Variants in PRDM16 observed in about 807,000 individuals in gnomAD.
PRDM16 encodes the protein PR/SET domain 16.
PRDM16 carries 23 observed loss-of-function variants against 110.6 expected under a neutral mutation model. The ratio of observed to expected loss-of-function variants is 0.21; its 90% CI spans 0.15 to 0.29. The LOEUF (loss-of-function observed/expected upper bound fraction) is 0.29, where lower values mean the gene tolerates loss of function less well. PRDM16 is among the 10% of genes least tolerant of loss of function. PRDM16 has a pLI of 1.00. For synonymous variants in PRDM16, 799 were observed against 781.8 expected (o/e 1.02, Z -0.37); for missense variants, 1,615 against 1,794.3 (o/e 0.90, Z 1.81).
chr1:3,258,848 C>CTA, intron 3 of PRDM16, among the ~76,000 whole-genome samples: 1 of 152,256 alleles, frequency 6.6e-6, no homozygotes, highest in East Asian at 1.9e-4. Flanking sequence ...CAGGCCAGGG[C>CTA]TTTCTTCTTG....
intron 3 of PRDM16, among the ~76,000 whole-genome samples, chr1:3,300,337 A>C (rs71202815): frequency 1.4e-5 from 1 of 70,392 alleles, no homozygotes; most frequent in Non-Finnish European, 3.0e-5. Context: ...TGCTGTGGCC[A>C]TGATGTTTCC....
chr1:3,140,803 G>A (rs1019488263), intron 1 of PRDM16, among the ~76,000 whole-genome samples: 9 of 152,342 alleles, frequency 5.9e-5, no homozygotes, highest in South Asian at 2.1e-4. Context: ...CTCCGTTTCC[G>A]CATCCTGCGT....
intron 3 of PRDM16, among the ~76,000 whole-genome samples, chr1:3,334,789 G>C (rs1258140178): frequency 6.6e-6 from 1 of 152,196 alleles, no homozygotes; most frequent in Non-Finnish European, 1.5e-5. Flanking sequence ...CAGAGCAAAC[G>C]AACACTCACC....
intron 1 of PRDM16, among the ~76,000 whole-genome samples, chr1:3,118,195 G>T (rs567073714): frequency 6.6e-6 from 1 of 151,792 alleles, no homozygotes; most frequent in African/African-American, 2.4e-5. Context: ...GTGCATGCAT[G>T]TACACACGCA....
rs1469113917 is a variant in PRDM16 at position 3,201,359 on chromosome 1, C to T, written c.387+14885C>T. 2.0e-5 allele frequency among the ~76,000 whole-genome samples: 3 copies of T among 152,180 alleles called. No homozygotes were observed. Among genetic ancestry groups the T allele is most frequent in the African/African-American group, 2.4e-5 (1 of 41,456 alleles). On this transcript the variant is annotated intron_variant, in intron 2 of 16. Coordinates refer to ENST00000270722, the MANE Select transcript of PRDM16 (RefSeq NM_022114.4). The surrounding 1 kb of genome is among the most constrained non-coding windows in gnomAD (Gnocchi z 4.1). Reference sequence around the variant, plus strand: ...AGAGATGAACAAGATGCAGCCTCGGCGCTCAGAGGCGGGTGTCCAGTCCCC... The same window carrying T: ...AGAGATGAACAAGATGCAGCCTCGGTGCTCAGAGGCGGGTGTCCAGTCCCC...
chr1:3,135,663 C>A (rs1448631528), intron 1 of PRDM16, among the ~76,000 whole-genome samples: 1 of 152,228 alleles, frequency 6.6e-6, no homozygotes, highest in East Asian at 1.9e-4. Context: ...GGTCTCCTCA[C>A]CCAGCTTCCG....
intron 1 of PRDM16, among the ~76,000 whole-genome samples, chr1:3,120,617 C>T (rs1191505196): frequency 6.6e-6 from 1 of 152,214 alleles, no homozygotes; most frequent in Non-Finnish European, 1.5e-5. Flanking sequence ...TGCCCCTGTC[C>T]CCGGCAGCCC....
chr1:3,431,121 G>T lies in PRDM16; in HGVS notation c.3521+13G>T, dbSNP rs753955734. ...ACCACACCCGAAGGTGGGGGCAGCC[G>T]TGTGCTCCAGGATGGGGCAGGGAGG... On this transcript the variant is annotated intron_variant, in intron 15 of 16. Coordinates refer to ENST00000270722, the MANE Select transcript of PRDM16 (RefSeq NM_022114.4). 4.2e-5 allele frequency: 65 copies of T among 1,548,552 alleles called. No individual in the cohort carries two copies. Among genetic ancestry groups the T allele is most frequent in the Non-Finnish European group, 4.2e-5 (48 of 1,146,440 alleles).
chr1:3,224,060 G>A (rs1431364094), intron 2 of PRDM16, among the ~76,000 whole-genome samples: 3 of 152,112 alleles, frequency 2.0e-5, no homozygotes, highest in African/African-American at 7.2e-5. Context: ...GTAAAGAGGC[G>A]GCCATACATC....
Position 3,296,366 on chromosome 1 carries a change from C to T in PRDM16, c.438+52229C>T, listed in dbSNP as rs531731539. On this transcript the variant is annotated intron_variant, in intron 3 of 16. Coordinates refer to ENST00000270722, the MANE Select transcript of PRDM16 (RefSeq NM_022114.4). ...GGAGCTGCAGAAATGGACATAAACC[C>T]GTCCATTCTCCTGCAAACACTTCTC... 1.7e-4 allele frequency among the ~76,000 whole-genome samples: 26 copies of T among 152,364 alleles called. No homozygotes were observed. In the South Asian group the frequency reaches 3.1e-3, roughly 18 times the overall value.
intron 3 of PRDM16, among the ~76,000 whole-genome samples, chr1:3,341,949 G>A (rs1642281439): frequency 6.6e-6 from 1 of 152,220 alleles, no homozygotes; most frequent in Non-Finnish European, 1.5e-5. Flanking sequence ...TTTATGATGA[G>A]CTTCTTGGGA....
intron 10 of PRDM16, among the ~76,000 whole-genome samples, chr1:3,415,659 G>T (rs148094929): frequency 0.012 from 1,839 of 152,376 alleles, 38 homozygotes; most frequent in African/African-American, 0.038. Flanking sequence ...GGAGCAAGCC[G>T]GGCGGGAGAG....
Position 3,300,294 on chromosome 1 carries a change from G to A in PRDM16, c.438+56157G>A, listed in dbSNP as rs1165531778. Among the ~76,000 whole-genome samples, 3 of 111,620 alleles carry A rather than the reference G, an allele frequency of 2.7e-5. No individual in the cohort carries two copies. In the Admixed American group the frequency reaches 3.2e-4, roughly 12 times the overall value. 73.2% of individuals were successfully genotyped at this position (111,620 alleles called of 152,430 possible). On this transcript the variant is annotated intron_variant, in intron 3 of 16. Transcript: ENST00000270722. ...TGTGGCCATGATGTTTCCGATCCCA[G>A]TCGTGGTGACTCTGCCCTTGTTGAA...
chr1:3,416,723 G>T (rs946902855), intron 10 of PRDM16, among the ~76,000 whole-genome samples: 1 of 152,248 alleles, frequency 6.6e-6, no homozygotes, highest in East Asian at 1.9e-4. Flanking sequence ...GGTGTCTGGA[G>T]GGCCCTGTGG....
rs1041821289 is a variant in PRDM16, at chr1:3,435,573, A to G, written c.*1762A>G. On this transcript the variant is annotated 3_prime_UTR_variant, in exon 17 of 17. Transcript: ENST00000270722. ...GATGATAGAGTCCCAAAAAGAAGAGAAAAAAAATGCCCAAGTTGCCCTTTA... is the reference window on the plus strand; with the variant it reads ...GATGATAGAGTCCCAAAAAGAAGAGGAAAAAAATGCCCAAGTTGCCCTTTA... 4.3e-5 allele frequency: 10 copies of G among 230,256 alleles called. No individual in the cohort carries two copies. The highest frequency in any genetic ancestry group is 6.9e-5 in the Non-Finnish European group (8 of 116,430). The allele number at this position is 230,256 out of a possible 1,614,324, so 14.3% of individuals were successfully genotyped here. A position where few individuals can be genotyped will look rare whatever the true frequency, so the allele number is the denominator to read the frequency against.
At chr1:3,158,407 T>C (rs1643874023) in intron 1 of PRDM16, among the ~76,000 whole-genome samples, 1 of 152,238 alleles carries the variant, frequency 6.6e-6, no homozygotes, top group Non-Finnish European at 1.5e-5. Flanking sequence ...TTAAATGTAA[T>C]TAAATTTAAA....
At chr1:3,073,983 C>T (rs1207906109) in intron 1 of PRDM16, among the ~76,000 whole-genome samples, 2 of 152,180 alleles carry the variant, frequency 1.3e-5, no homozygotes, top group South Asian at 2.1e-4. Context: ...ACCCGCGCCC[C>T]GAGAGACGCG....
chr1:3,438,145 G>A lies in PRDM16; in HGVS notation c.*4334G>A, dbSNP rs1396036494. 7 of 205,546 alleles carry A rather than the reference G, an allele frequency of 3.4e-5. No individual in the cohort carries two copies. The highest frequency in any genetic ancestry group is 6.9e-5 in the African/African-American group (3 of 43,690). 12.7% of individuals were successfully genotyped at this position (205,546 alleles called of 1,614,324 possible). ...ACCATTGAGAAGGAGGCTGGCGCTC[G>A]CCCCATGTCCCCCTTGATTGTAAAT... On this transcript the variant is annotated 3_prime_UTR_variant, in exon 17 of 17. Coordinates refer to ENST00000270722, the MANE Select transcript of PRDM16 (RefSeq NM_022114.4).
rs1016216299 is a variant in PRDM16 at position 3,434,167 on chromosome 1, C to G, written c.*356C>G. 2 of 313,202 alleles carry G rather than the reference C, an allele frequency of 6.4e-6. No individual in the cohort carries two copies. Among genetic ancestry groups the G allele is most frequent in the African/African-American group, 4.2e-5 (2 of 47,694 alleles). 19.4% of individuals were successfully genotyped at this position (313,202 alleles called of 1,614,324 possible). On this transcript the variant is annotated 3_prime_UTR_variant, in exon 17 of 17. Transcript: ENST00000270722. ...CCACTGCCGGGTGCCCGCGTGGGGT[C>G]GCGGAAGGGAATGGATAGACTGGTG...
Sources: gnomAD v4.1 joint callset for allele counts (sites outside exome capture counted in the v4.1 genomes callset) on GRCh38, gnomAD v4.1.1 for gene constraint, Gnocchi (gnomAD v3.1) non-coding constraint, MANE v1.5 for transcripts, NCBI Gene and HGNC (gene_info 2026-07-23, HGNC 2026-07-21) for gene names.